Variants in AKAP9 observed in about 807,000 individuals in gnomAD.
AKAP9 encodes the protein A-kinase anchor protein 9.
A neutral mutation model predicts 488.5 loss-of-function variants in AKAP9; 311 were observed. The ratio of observed to expected loss-of-function variants is 0.64; its 90% confidence interval spans 0.58 to 0.70. The LOEUF (loss-of-function observed/expected upper bound fraction) is 0.70. Among genes scored for constraint, AKAP9 ranks in the 30% least tolerant of loss-of-function variants. AKAP9 has a pLI of 0.00. For synonymous variants in AKAP9, 1,462 were observed against 1,483.5 expected (o/e 0.99, Z 0.33); for missense variants, 4,215 against 4,374.5 (o/e 0.96, Z 1.03).
At chr7:92,068,054 T>C (rs73407528) in intron 26 of AKAP9, among the ~76,000 whole-genome samples, 5,242 of 151,612 alleles carry the variant, frequency 0.035, 264 homozygotes, top group African/African-American at 0.12. Flanking sequence ...TATACTAGAG[T>C]AGTACAAAAG....
chr7:91,980,231 A>G (rs1562928344), intron 2 of AKAP9, 58 bp from the exon 3 acceptor site: 5 of 1,047,982 alleles, frequency 4.8e-6, no homozygotes, highest in Non-Finnish European at 5.9e-6. Context: ...GGTTTAGTAA[A>G]GTATGATATT....
intron 36 of AKAP9, 82 bp downstream of exon 36, chr7:92,085,768 T>C: frequency 9.0e-7 from 1 of 1,110,934 alleles, no homozygotes; most frequent in Non-Finnish European, 1.3e-6. Flanking sequence ...AATTATCTTT[T>C]ATACATATTT....
At chr7:92,109,199 C>T (rs914831419) in intron 49 of AKAP9, 4 of 198,000 alleles carry the variant, frequency 2.0e-5, no homozygotes, top group Admixed American at 1.8e-4. Flanking sequence ...ATTTAAAATA[C>T]TTTGTAAGGA....
chr7:91,994,939 C>T (rs1250018654), intron 6 of AKAP9, among the ~76,000 whole-genome samples, 163 bp downstream of exon 6: 1 of 152,072 alleles, frequency 6.6e-6, no homozygotes, highest in African/African-American at 2.4e-5. Flanking sequence ...GAATTTAATT[C>T]ATACTTCTTA....
intron 14 of AKAP9, among the ~76,000 whole-genome samples, chr7:92,028,450 G>GT (rs1803686388): frequency 6.6e-6 from 1 of 151,948 alleles, no homozygotes; most frequent in Non-Finnish European, 1.5e-5. Flanking sequence ...GATCAGAGCA[G>GT]TATATACAAG....
chr7:91,985,731 C>T (rs1231380104), intron 3 of AKAP9, among the ~76,000 whole-genome samples: 1 of 152,010 alleles, frequency 6.6e-6, no homozygotes, highest in Non-Finnish European at 1.5e-5. Context: ...CACTGCAACC[C>T]TCGCCTGCCG....
At chr7:91,996,844 G>A (rs1025523169) in intron 7 of AKAP9, among the ~76,000 whole-genome samples, 8 of 152,242 alleles carry the variant, frequency 5.3e-5, no homozygotes, top group Middle Eastern at 3.4e-3. Context: ...GTAGTAATTA[G>A]CATTTATTAA....
At chr7:91,951,150 G>C (rs1792189849) in intron 1 of AKAP9, among the ~76,000 whole-genome samples, 1 of 151,742 alleles carries the variant, frequency 6.6e-6, no homozygotes, top group African/African-American at 2.4e-5. Context: ...AATTCAAAGG[G>C]TGAAATAAGG....
At chr7:92,067,332 C>G (rs768818853) in intron 26 of AKAP9, among the ~76,000 whole-genome samples, 10 of 152,176 alleles carry the variant, frequency 6.6e-5, no homozygotes, top group African/African-American at 2.4e-4. Flanking sequence ...AAAGAAAGGT[C>G]TTGATTCCTG....
intron 8 of AKAP9, among the ~76,000 whole-genome samples, chr7:92,008,772 G>A (rs1024735698): frequency 6.6e-6 from 1 of 151,912 alleles, no homozygotes; most frequent in African/African-American, 2.4e-5. Flanking sequence ...AGATCACGAG[G>A]TCAGGAGATC....
At chr7:92,010,492 CT>C (rs1800575836) in intron 8 of AKAP9, among the ~76,000 whole-genome samples, 1 of 152,188 alleles carries the variant, frequency 6.6e-6, no homozygotes, top group East Asian at 1.9e-4. Flanking sequence ...GCCCAGCCCC[CT>C]AGCCACTCTT....
chr7:91,961,838 C>T (rs1393342828), intron 1 of AKAP9, among the ~76,000 whole-genome samples: 7 of 150,554 alleles, frequency 4.6e-5, no homozygotes, highest in South Asian at 4.2e-4. Flanking sequence ...AGTGAGACTC[C>T]GTCTCAAAAA....
At chr7:92,005,061 A>G (rs1188781808) in intron 8 of AKAP9, among the ~76,000 whole-genome samples, 12 of 152,182 alleles carry the variant, frequency 7.9e-5, no homozygotes, top group Non-Finnish European at 1.6e-4. Flanking sequence ...CCTTTTCTGC[A>G]TCTATTGAGA....
intron 24 of AKAP9, among the ~76,000 whole-genome samples, chr7:92,064,277 T>C (rs762830713): frequency 6.6e-5 from 10 of 152,072 alleles, no homozygotes; most frequent in Non-Finnish European, 1.5e-4. Flanking sequence ...AAAGCTGTTT[T>C]CTAGAGATTC....
intron 22 of AKAP9, among the ~76,000 whole-genome samples, chr7:92,055,795 TATC>T (rs1281500902): frequency 4.6e-5 from 7 of 152,050 alleles, no homozygotes; most frequent in African/African-American, 1.7e-4. Flanking sequence ...TCAATTAATA[TATC>T]ATCAGTTAAT....
chr7:91,992,491 G>T (rs959071590), intron 4 of AKAP9, among the ~76,000 whole-genome samples: 2 of 151,626 alleles, frequency 1.3e-5, no homozygotes, highest in East Asian at 3.9e-4. Flanking sequence ...AGGTGAAACC[G>T]CATCTCTACT....
chr7:91,989,240 T>C (rs1797478776), intron 3 of AKAP9, among the ~76,000 whole-genome samples: 1 of 152,202 alleles, frequency 6.6e-6, no homozygotes, highest in Admixed American at 6.5e-5. Flanking sequence ...TTTAATGTTC[T>C]TGACTTCTGT....
At chr7:91,949,765 A>G (rs1296286930) in intron 1 of AKAP9, among the ~76,000 whole-genome samples, 1 of 152,162 alleles carries the variant, frequency 6.6e-6, no homozygotes, top group Non-Finnish European at 1.5e-5. Context: ...TTTCAGGAGT[A>G]GTTTTGCTTA....
chr7:92,023,066 G>A (rs1412690673), intron 14 of AKAP9, 57 bp downstream of exon 14: 1 of 1,544,224 alleles, frequency 6.5e-7, no homozygotes, highest in Non-Finnish European at 9.0e-7. Flanking sequence ...AACAATTATA[G>A]TATCATCCAG....
Sources: allele counts gnomAD v4.1 joint callset (sites outside exome capture counted in the v4.1 genomes callset), GRCh38; gene constraint gnomAD v4.1.1; transcripts MANE v1.5; gene names NCBI Gene and HGNC (gene_info 2026-07-23, HGNC 2026-07-21).